CDH23: variants seen among roughly 807,000 people sequenced by gnomAD.
CDH23 encodes the protein cadherin related 23.
In CDH23, 189 loss-of-function variants were observed where a neutral mutation model predicts 317.1. The observed-to-expected ratio is 0.60, with a 90% CI of 0.53 to 0.67. The LOEUF (loss-of-function observed/expected upper bound fraction) is 0.67. Among genes scored for constraint, CDH23 ranks in the 30% least tolerant of loss-of-function variants. CDH23 has a pLI of 0.00. For missense variants in CDH23, 4,401 were observed against 4,592.4 expected (o/e 0.96, Z 1.20); for synonymous variants, 1,839 against 1,876.8 (o/e 0.98, Z 0.52).
intron 11 of CDH23, among the ~76,000 whole-genome samples, chr10:71,624,757 AT>A (rs1861633464): frequency 6.6e-6 from 1 of 150,930 alleles, no homozygotes; most frequent in Non-Finnish European, 1.5e-5. Flanking sequence ...TATTATTATT[AT>A]TATTATTATT....
Position 71,677,672 on chromosome 10 carries a change from C to T in CDH23, c.1731C>T (p.Val577=). The change falls in exon 16 of 70, where the codon GTC becomes GTT. Residue 577 remains valine (V), a synonymous_variant. Coordinates refer to ENST00000224721, the MANE Select transcript of CDH23 (RefSeq NM_022124.6). ...CTCTGCGGGAGAACGAGCCTTCTGT[C>T]ACACAGCTGGTGCGGCTCCGGGTAA... ...VGALRENEPS[V]TQLVRLRATD... is the part of the protein sequence containing the mutation. 6.4e-7 allele frequency: 1 copy of T among 1,567,694 alleles called. No homozygotes were observed. Among genetic ancestry groups the T allele is most frequent in the African/African-American group, 1.4e-5 (1 of 73,892 alleles).
chr10:71,409,805 G>C (rs1045836106), intron 1 of CDH23, among the ~76,000 whole-genome samples: 12 of 152,202 alleles, frequency 7.9e-5, no homozygotes, highest in African/African-American at 2.9e-4. Context: ...GCTGGGGCCT[G>C]CCTGCTGCCC....
In CDH23 at chr10:71,814,958, C is replaced by G. The variant is rs1440237743; in HGVS notation, c.9745C>G (p.Gln3249Glu). Residue 3249 changes from glutamine to glutamate, a missense_variant, in exon 70 of 70, where the codon CAG becomes GAG. Gln to Glu is a conservative substitution (Grantham distance 29). Around this residue, in one of 3 missense-constraint regions of CDH23, gnomAD observed 1,144 missense variants for 1,138.2 expected, o/e 1.01. Transcript: ENST00000224721. ...GGGTCCCGGCCTCTTGCAGCTGATA[C>G]AGACTGAGCTGGACGAGGAGCCAGG... is the stretch of plus-strand genomic sequence containing the variant. The part of the protein sequence containing the change: ...SCHSSISELI[Q>E]TELDEEPGDH... 1.9e-6 allele frequency: 3 copies of G among 1,609,868 alleles called. No homozygotes were observed. The highest frequency in any genetic ancestry group is 1.7e-6 in the Non-Finnish European group (2 of 1,177,848).
intron 11 of CDH23, among the ~76,000 whole-genome samples, chr10:71,633,669 G>GAAAT (rs1862124977): frequency 6.6e-6 from 1 of 152,222 alleles, no homozygotes; most frequent in South Asian, 2.1e-4. Flanking sequence ...AGAGGGAGAT[G>GAAAT]AAATTACCTG....
chr10:71,708,379 C>T (rs376164355), intron 26 of CDH23, among the ~76,000 whole-genome samples: 1 of 152,158 alleles, frequency 6.6e-6, no homozygotes, highest in East Asian at 1.9e-4. Context: ...AAGCTGGTGC[C>T]GTGGCGCCCT....
chr10:71,415,028 ACT>A (rs1396327576), intron 1 of CDH23, among the ~76,000 whole-genome samples: 1 of 152,000 alleles, frequency 6.6e-6, no homozygotes, highest in Non-Finnish European at 1.5e-5. Context: ...GCATTTTTAT[ACT>A]CTCTATAGAA....
intron 38 of CDH23, chr10:71,752,070 C>T: frequency 1.4e-6 from 1 of 700,690 alleles, no homozygotes; most frequent in Non-Finnish European, 2.6e-6. Context: ...CTGAGGGCAT[C>T]AGGGCCCACC....
intron 11 of CDH23, among the ~76,000 whole-genome samples, chr10:71,632,625 G>C (rs1226494745): frequency 6.6e-6 from 1 of 152,138 alleles, no homozygotes; most frequent in East Asian, 1.9e-4. Context: ...CAGGCTGGGG[G>C]AGGGGCTAGA....
chr10:71,622,622 C>T (rs1477659284), intron 11 of CDH23, among the ~76,000 whole-genome samples: 1 of 152,186 alleles, frequency 6.6e-6, no homozygotes, highest in Non-Finnish European at 1.5e-5. Context: ...TGCACGACCC[C>T]TCCCCGCTGA....
chr10:71,762,511 C>A (rs1219829893), intron 38 of CDH23, among the ~76,000 whole-genome samples: 2 of 152,268 alleles, frequency 1.3e-5, no homozygotes, highest in Non-Finnish European at 2.9e-5. Flanking sequence ...AAGGCCTGGG[C>A]CAGGTGCTGC....
Position 71,815,224 on chromosome 10 carries a change from G to T in CDH23, c.10011G>T (p.Leu3337=). The T allele has an allele frequency of 6.3e-7, 1 of 1,599,838 alleles. No individual in the cohort carries two copies. Among genetic ancestry groups the T allele is most frequent in the East Asian group, 2.2e-5 (1 of 44,526 alleles). The change falls in exon 70 of 70, where the codon CTG becomes CTT. Residue 3337 remains leucine (L), a synonymous_variant. Transcript: ENST00000224721. The stretch of plus-strand genomic sequence containing the variant: ...CAGAATCCGCCAAATCCACACCCCT[G>T]CACAAACTTCGCGACGTGATCATGG... The part of the protein sequence containing the change: ...ARTESAKSTP[L]HKLRDVIMET...
chr10:71,793,813 C>T (rs896103032), intron 48 of CDH23, among the ~76,000 whole-genome samples, 173 bp downstream of exon 48: 3 of 152,214 alleles, frequency 2.0e-5, no homozygotes, highest in Middle Eastern at 3.4e-3. Context: ...CATCTCTCCC[C>T]TTGCTTTCTT....
intron 6 of CDH23, among the ~76,000 whole-genome samples, chr10:71,560,677 G>C (rs774601426): frequency 2.0e-5 from 3 of 152,014 alleles, no homozygotes; most frequent in Non-Finnish European, 4.4e-5. Flanking sequence ...CAGAGGATGG[G>C]AGGGCAGAAT....
At chr10:71,686,296 C>T (rs1047046850) in intron 18 of CDH23, among the ~76,000 whole-genome samples, 2 of 151,972 alleles carry the variant, frequency 1.3e-5, no homozygotes, top group Admixed American at 6.6e-5. Context: ...CGCTCGCACC[C>T]GCACCAGGGA....
intron 14 of CDH23, among the ~76,000 whole-genome samples, chr10:71,662,907 C>T (rs1863738288): frequency 6.6e-6 from 1 of 152,200 alleles, no homozygotes; most frequent in East Asian, 1.9e-4. Flanking sequence ...TCAGGCTGAG[C>T]GGAGAATCCT....
chr10:71,509,446 A>C (rs1853829804), intron 3 of CDH23, among the ~76,000 whole-genome samples: 2 of 152,190 alleles, frequency 1.3e-5, no homozygotes, highest in South Asian at 4.1e-4. Context: ...GCCATCAGGA[A>C]TCTGTCTCTC....
chr10:71,634,323 C>G (rs1368894878), intron 11 of CDH23, among the ~76,000 whole-genome samples: 3 of 152,260 alleles, frequency 2.0e-5, no homozygotes, highest in African/African-American at 7.2e-5. Flanking sequence ...ATCCTTTTGC[C>G]CTGCATTTTG....
In CDH23 at chr10:71,690,521, G is replaced by T; in HGVS notation, c.2113G>T (p.Gly705Cys). The T allele has an allele frequency of 6.2e-7, 1 of 1,611,628 alleles. No individual in the cohort carries two copies. Among genetic ancestry groups the T allele is most frequent in the East Asian group, 2.2e-5 (1 of 44,810 alleles). The change falls in exon 20 of 70, where the codon GGC becomes TGC. Residue 705 changes from glycine to cysteine, a missense_variant. Transcript: ENST00000224721. ...ATDLDRSREY[G>C]QESIIYSLEG... ...AGACCTGGACCGCTCCCGGGAGTAC[G>T]GCCAGGAGTCCATCATCTACTCCTT...
chr10:71,649,580 G>A (rs1272689219), intron 14 of CDH23, among the ~76,000 whole-genome samples: 1 of 152,132 alleles, frequency 6.6e-6, no homozygotes, highest in East Asian at 1.9e-4. Flanking sequence ...CAGGTCCCTG[G>A]ACCTTATGGC....
Sources: gnomAD v4.1 joint callset for allele counts (sites outside exome capture counted in the v4.1 genomes callset) on GRCh38, gnomAD v4.1.1 for gene constraint, gnomAD v4.1.1 regional missense constraint, MANE v1.5 for transcripts, NCBI Gene and HGNC (gene_info 2026-07-23, HGNC 2026-07-21) for gene names.